Variants in FSTL4 observed in about 807,000 individuals in gnomAD.
The protein encoded by FSTL4 is follistatin-related protein 4.
A neutral mutation model predicts 78.2 loss-of-function variants in FSTL4; 28 were observed. That is an observed-to-expected ratio of 0.36 (90% CI 0.27 to 0.49). The LOEUF (loss-of-function observed/expected upper bound fraction) is 0.49. FSTL4 is among the 20% of genes least tolerant of loss of function. The pLI is 0.98. For missense variants in FSTL4, 922 were observed against 1,084.9 expected, an observed-to-expected ratio of 0.85 and a Z score of 2.11; for synonymous variants, 422 against 440.5, an observed-to-expected ratio of 0.96 and a Z score of 0.53.
chr5:133,807,593 T>C, the FSTL4 span, among the ~76,000 whole-genome samples: 1 of 152,212 alleles, frequency 6.6e-6, no homozygotes, highest in Non-Finnish European at 1.5e-5. Context: ...GTGCCTCTGA[T>C]AGTCAGTGAG....
chr5:133,492,103 C>T (rs1758277932), intron 3 of FSTL4, among the ~76,000 whole-genome samples: 1 of 152,118 alleles, frequency 6.6e-6, no homozygotes, highest in African/African-American at 2.4e-5. Context: ...TACAGGTTAC[C>T]CTTAAATTTT....
chr5:133,493,867 A>G (rs541874349), intron 3 of FSTL4, among the ~76,000 whole-genome samples: 2 of 152,308 alleles, frequency 1.3e-5, no homozygotes, highest in African/African-American at 4.8e-5. Context: ...GTCAACTCAG[A>G]TCGTCCTTCT....
At chr5:133,563,229 C>T (rs1342538959) in intron 3 of FSTL4, among the ~76,000 whole-genome samples, 1 of 152,196 alleles carries the variant, frequency 6.6e-6, no homozygotes, top group Non-Finnish European at 1.5e-5. Context: ...ACAATCTTTG[C>T]TACTGTGTCT....
chr5:133,248,321 G>C (rs555252128), intron 7 of FSTL4: 1 of 152,434 alleles, frequency 6.6e-6, no homozygotes, highest in East Asian at 1.9e-4. Context: ...TCATCCCATG[G>C]GTCTTTCTTT....
chr5:133,592,479 T>C (rs17642887), intron 2 of FSTL4, among the ~76,000 whole-genome samples: 35,962 of 152,150 alleles, frequency 0.24, 4,462 homozygotes, highest in East Asian at 0.29. Context: ...AATTTTGTTC[T>C]AGTCAGCATG....
At chr5:133,682,811 C>CA in the FSTL4 span, among the ~76,000 whole-genome samples, 1 of 152,204 alleles carries the variant, frequency 6.6e-6, no homozygotes, top group Non-Finnish European at 1.5e-5. Flanking sequence ...GAGGCTGCGT[C>CA]ATAGCCTCCC....
chr5:133,524,440 G>A (rs10036245), intron 3 of FSTL4, among the ~76,000 whole-genome samples: 1,767 of 152,248 alleles, frequency 0.012, 33 homozygotes, highest in African/African-American at 0.039. Context: ...GAAGAAAGGC[G>A]AGAGCGGTGT....
the FSTL4 span, among the ~76,000 whole-genome samples, chr5:133,841,221 C>A: frequency 6.6e-6 from 1 of 152,218 alleles, no homozygotes; most frequent in Non-Finnish European, 1.5e-5. Flanking sequence ...GTAAGATCAA[C>A]TGGCCTGGGA....
intron 6 of FSTL4, among the ~76,000 whole-genome samples, chr5:133,302,901 T>C (rs1044122873): frequency 3.3e-5 from 5 of 152,238 alleles, no homozygotes; most frequent in African/African-American, 7.2e-5. Context: ...TTAATCCTGG[T>C]GACAAATGTT....
the FSTL4 span, among the ~76,000 whole-genome samples, chr5:133,675,665 A>G: frequency 6.6e-6 from 1 of 152,200 alleles, no homozygotes; most frequent in African/African-American, 2.4e-5. Flanking sequence ...TTTCTGCCAA[A>G]CCAGGCCCCA....
chr5:133,806,604 G>C, the FSTL4 span, among the ~76,000 whole-genome samples: 128 of 152,240 alleles, frequency 8.4e-4, no homozygotes, highest in Middle Eastern at 6.8e-3. Context: ...AGCCCAAACT[G>C]GGTTGCTGAT....
chr5:133,257,675 G>T (rs1266464671), intron 6 of FSTL4, among the ~76,000 whole-genome samples: 1 of 152,136 alleles, frequency 6.6e-6, no homozygotes, highest in Non-Finnish European at 1.5e-5. Flanking sequence ...GGAGCAAAGG[G>T]TCCTTGCTGA....
intron 4 of FSTL4, among the ~76,000 whole-genome samples, chr5:133,381,560 G>A (rs1755571305): frequency 6.6e-6 from 1 of 152,206 alleles, no homozygotes; most frequent in Non-Finnish European, 1.5e-5. Context: ...GGAGGAGGAC[G>A]TTGAGTAGGG....
intron 4 of FSTL4, among the ~76,000 whole-genome samples, chr5:133,354,178 G>GA (rs141823106): frequency 6.6e-5 from 10 of 150,900 alleles, no homozygotes; most frequent in Non-Finnish European, 1.5e-4. Context: ...CCGCCAAAAA[G>GA]AAAAAAAAAG....
chr5:133,209,161 C>A (rs1367952479), intron 14 of FSTL4, among the ~76,000 whole-genome samples: 1 of 152,126 alleles, frequency 6.6e-6, no homozygotes, highest in Non-Finnish European at 1.5e-5. Flanking sequence ...TAGGTTATTA[C>A]TATTTTTTGT....
At chr5:133,552,719 T>A (rs1160504655) in intron 3 of FSTL4, among the ~76,000 whole-genome samples, 1 of 152,154 alleles carries the variant, frequency 6.6e-6, no homozygotes, top group African/African-American at 2.4e-5. Flanking sequence ...CTCAAGGGTC[T>A]TAGGAGAAAC....
At chr5:133,831,275 G>A in the FSTL4 span, among the ~76,000 whole-genome samples, 3 of 152,140 alleles carry the variant, frequency 2.0e-5, no homozygotes, top group African/African-American at 2.4e-5. Flanking sequence ...CATCCAGGCC[G>A]CTGTATCTGT....
At chr5:133,568,301 AAGAAG>A (rs1225619947) in intron 2 of FSTL4, among the ~76,000 whole-genome samples, 6 of 152,338 alleles carry the variant, frequency 3.9e-5, no homozygotes, top group Admixed American at 2.6e-4. Flanking sequence ...CTAGCAACTA[AAGAAG>A]AGAAGAGAAA....
At chr5:133,517,608 T>TTGTGTGTGTGTG (rs34680612) in intron 3 of FSTL4, among the ~76,000 whole-genome samples, 1 of 139,442 alleles carries the variant, frequency 7.2e-6, no homozygotes, top group African/African-American at 2.7e-5. Context: ...ATAGAACTAA[T>TTGTGTGTGTGTG]TGTGTGTGTG....
Sources: gnomAD v4.1 joint callset for allele counts (sites outside exome capture counted in the v4.1 genomes callset) on GRCh38, gnomAD v4.1.1 for gene constraint, MANE v1.5 for transcripts, NCBI Gene and HGNC (gene_info 2026-07-23, HGNC 2026-07-21) for gene names.